Variants in NEXMIF observed in about 807,000 individuals in gnomAD.
NEXMIF encodes the protein XLMR protein related to neurite extension.
A neutral mutation model predicts 62.1 loss-of-function variants in NEXMIF; 8 were observed. The ratio of observed to expected loss-of-function variants is 0.13; its 90% CI spans 0.08 to 0.23. The LOEUF (loss-of-function observed/expected upper bound fraction) is 0.23, where lower values mean the gene tolerates loss of function less well. NEXMIF is among the 10% of genes least tolerant of loss of function. The probability of loss-of-function intolerance (pLI) is 1.00; values close to 1 mark genes in which losing one functional copy is unlikely to be tolerated. For synonymous variants in NEXMIF, 404 were observed against 416.6 expected (o/e 0.97, Z 0.37); for missense variants, 976 against 1,113.3 (o/e 0.88, Z 1.75).
intron 1 of NEXMIF, among the ~76,000 whole-genome samples, chrX:74,745,987 A>G (rs752170087): frequency 8.9e-6 from 1 of 111,943 alleles, no homozygotes; most frequent in Non-Finnish European, 1.9e-5. Context: ...TCCAAATAGT[A>G]ATGCATTTAA....
intron 1 of NEXMIF, among the ~76,000 whole-genome samples, chrX:74,821,965 G>T (rs1464139294): frequency 9.0e-6 from 1 of 111,628 alleles, no homozygotes; most frequent in African/African-American, 3.3e-5. Context: ...AGCTCAGGCA[G>T]GTCTGGAACT....
intron 1 of NEXMIF, among the ~76,000 whole-genome samples, chrX:74,878,801 G>A (rs934984258): frequency 4.5e-5 from 5 of 112,319 alleles, no homozygotes; most frequent in African/African-American, 1.6e-4. Context: ...GGAACTCCCT[G>A]ACCCCTTGCG....
At chrX:74,771,889 G>A (rs2080211467) in intron 1 of NEXMIF, among the ~76,000 whole-genome samples, 1 of 111,627 alleles carries the variant, frequency 9.0e-6, no homozygotes, top group African/African-American at 3.3e-5. Flanking sequence ...CACAAAAGTG[G>A]TAGTACTTAT....
chrX:74,743,361 T>G lies in NEXMIF; in HGVS notation c.1196A>C (p.Asp399Ala). The change falls in exon 3 of 4, where the codon GAT (aspartate) becomes GCT (alanine). Residue 399 changes from aspartate to alanine, a missense_variant. This residue lies in a region of NEXMIF where 639 missense variants were observed against 694.5 expected (regional missense o/e 0.92). Coordinates refer to ENST00000055682, the MANE Select transcript of NEXMIF (RefSeq NM_001008537.3). The part of the protein sequence containing the change: ...GQEDKGVEKK[D>A]GKDNGEKPAL... ...AGGCTTTTCTCCATTATCCTTTCCA[T>G]CTTTCTTCTCTACACCTTTGTCTTC... The G allele has an allele frequency of 1.7e-6, 2 of 1,211,396 alleles. No individual in the cohort carries two copies. The highest frequency in any genetic ancestry group is 3.5e-5 in the African/African-American group (2 of 57,678).
intron 1 of NEXMIF, among the ~76,000 whole-genome samples, chrX:74,877,155 C>T (rs988450929): frequency 3.6e-4 from 40 of 111,492 alleles, no homozygotes; most frequent in Non-Finnish European, 6.0e-4. Context: ...ATGTTTAGCG[C>T]TTCCTTCAGG....
intron 1 of NEXMIF, among the ~76,000 whole-genome samples, chrX:74,791,095 A>C (rs1353686525): frequency 3.6e-5 from 4 of 110,283 alleles, no homozygotes; most frequent in Non-Finnish European, 7.6e-5. Context: ...CCCATTCAGT[A>C]TGATATTGGC....
intron 1 of NEXMIF, among the ~76,000 whole-genome samples, chrX:74,905,579 G>A (rs1252025006): frequency 8.9e-6 from 1 of 112,122 alleles, no homozygotes; most frequent in Non-Finnish European, 1.9e-5. Context: ...GGAGACCAAA[G>A]CGGTCAGATC....
chrX:74,746,756 G>T lies in NEXMIF; in HGVS notation c.-47-1059C>A, dbSNP rs1375747034. Among the ~76,000 whole-genome samples the T allele has an allele frequency of 2.5e-4, 28 of 112,314 alleles. No individual in the cohort carries two copies. The Admixed American group carries it at 2.6e-3, about 11-fold the overall frequency. On this transcript the variant is annotated intron_variant, in intron 1 of 3. Coordinates refer to ENST00000055682, the MANE Select transcript of NEXMIF (RefSeq NM_001008537.3). Reference sequence around the variant, plus strand: ...TATTCCCTTATCTATAAAATACAAAGACTGTATTAGGCAGTCTCTCAGTTT... The same window carrying T: ...TATTCCCTTATCTATAAAATACAAATACTGTATTAGGCAGTCTCTCAGTTT...
intron 1 of NEXMIF, among the ~76,000 whole-genome samples, chrX:74,852,556 G>A (rs748316440): frequency 1.8e-5 from 2 of 111,580 alleles, no homozygotes; most frequent in East Asian, 2.8e-4. Flanking sequence ...CCAAGATATA[G>A]GCCACACAAC....
intron 1 of NEXMIF, among the ~76,000 whole-genome samples, chrX:74,834,015 T>A (rs1237434057): frequency 1.9e-5 from 2 of 107,361 alleles, no homozygotes; most frequent in African/African-American, 6.8e-5. Flanking sequence ...ATGCCTGTAA[T>A]CCCAGCTACT....
intron 1 of NEXMIF, among the ~76,000 whole-genome samples, chrX:74,855,314 A>G (rs991773250): frequency 6.2e-5 from 7 of 112,236 alleles, no homozygotes; most frequent in Non-Finnish European, 1.1e-4. Flanking sequence ...ACATTGGGGA[A>G]AAATACTCTC....
chrX:74,795,199 T>A (rs2147467306), intron 1 of NEXMIF, among the ~76,000 whole-genome samples: 1 of 112,386 alleles, frequency 8.9e-6, no homozygotes, highest in African/African-American at 3.2e-5. Flanking sequence ...CCAAGTGAAT[T>A]GAAAATTTAC....
chrX:74,742,663 G>A lies in NEXMIF; in HGVS notation c.1894C>T (p.Leu632Phe). 1 of 1,211,438 alleles carries A rather than the reference G, an allele frequency of 8.3e-7. No homozygotes were observed. Among genetic ancestry groups the A allele is most frequent in the Non-Finnish European group, 1.1e-6 (1 of 895,302 alleles). Reference protein sequence around the residue: ...LPPARKRKSKLGNRHRIQRIP... With the variant: ...LPPARKRKSKFGNRHRIQRIP... Reference sequence around the variant, plus strand: ...CTTTGAATCCTGTGCCTGTTGCCAAGTTTAGATTTTCGTTTGCGAGCAGGT... The same window carrying A: ...CTTTGAATCCTGTGCCTGTTGCCAAATTTAGATTTTCGTTTGCGAGCAGGT... Residue 632 changes from leucine to phenylalanine, a missense_variant, in exon 3 of 4, where the codon CTT becomes TTT. Leu to Phe is a conservative substitution (Grantham distance 22). Coordinates refer to ENST00000055682, the MANE Select transcript of NEXMIF (RefSeq NM_001008537.3).
At chrX:74,842,512 G>C (rs561421955) in intron 1 of NEXMIF, among the ~76,000 whole-genome samples, 4 of 111,093 alleles carry the variant, frequency 3.6e-5, no homozygotes, top group African/African-American at 1.3e-4. Flanking sequence ...TCTTCTGCGA[G>C]CTTTGGAGTT....
At chrX:74,769,225 CA>C (rs1157657274) in intron 1 of NEXMIF, among the ~76,000 whole-genome samples, 1 of 110,803 alleles carries the variant, frequency 9.0e-6, no homozygotes, top group Non-Finnish European at 1.9e-5. Flanking sequence ...AAAACAAAAA[CA>C]AAAACAAAAC....
At chrX:74,760,963 G>A (rs866398727) in intron 1 of NEXMIF, among the ~76,000 whole-genome samples, 2 of 109,942 alleles carry the variant, frequency 1.8e-5, no homozygotes, top group African/African-American at 6.6e-5. Flanking sequence ...CGCCTCCCTG[G>A]TTCAAGTGAT....
At chrX:74,874,071 C>G (rs1602259332) in intron 1 of NEXMIF, among the ~76,000 whole-genome samples, 1 of 108,244 alleles carries the variant, frequency 9.2e-6, no homozygotes, top group East Asian at 3.0e-4. Context: ...CTTGCCCATG[C>G]CTATGTCCTG....
intron 1 of NEXMIF, among the ~76,000 whole-genome samples, chrX:74,922,337 G>GGTGTGTGT (rs3040908): frequency 9.9e-6 from 1 of 100,562 alleles, no homozygotes; most frequent in South Asian, 4.9e-4. Flanking sequence ...GGGTGTTATG[G>GGTGTGTGT]GTGTGTGTGT....
At chrX:74,817,901 G>C (rs778327645) in intron 1 of NEXMIF, among the ~76,000 whole-genome samples, 20 of 110,742 alleles carry the variant, frequency 1.8e-4, no homozygotes, top group Non-Finnish European at 3.8e-5. Flanking sequence ...GCTAACCAAA[G>C]AGGTTGAAGA....
Sources: gnomAD v4.1 joint callset for allele counts (sites outside exome capture counted in the v4.1 genomes callset) on GRCh38, gnomAD v4.1.1 for gene constraint, gnomAD v4.1.1 regional missense constraint, MANE v1.5 for transcripts, NCBI Gene and HGNC (gene_info 2026-07-23, HGNC 2026-07-21) for gene names.